Variants in PREX2 observed in about 807,000 individuals in gnomAD.
The protein encoded by PREX2 is phosphatidylinositol 3,4,5-trisphosphate-dependent Rac exchanger 2 protein.
PREX2 carries 107 observed loss-of-function variants against 203.2 expected under a neutral mutation model. The observed-to-expected ratio is 0.53, with a 90% CI of 0.45 to 0.62. The LOEUF is 0.62. Ranked by LOEUF, PREX2 falls within the 20% of genes least tolerant of loss-of-function variation. The pLI, the probability that PREX2 is intolerant of heterozygous loss-of-function variation, is 0.00. For synonymous variants in PREX2, 672 were observed against 663.6 expected (o/e 1.01, Z -0.19); for missense variants, 1,777 against 1,955.9 (o/e 0.91, Z 1.72).
At position 68,115,751 on chromosome 8, in the gene PREX2, A is replaced by G; in HGVS notation, c.3147-2A>G. 1 of 1,600,818 alleles carries G rather than the reference A, an allele frequency of 6.2e-7. No individual in the cohort carries two copies. Among genetic ancestry groups the G allele is most frequent in the Non-Finnish European group, 8.5e-7 (1 of 1,174,616 alleles). On this transcript the variant is annotated splice_acceptor_variant, in intron 25 of 39. Coordinates refer to ENST00000288368, the MANE Select transcript of PREX2 (RefSeq NM_024870.4). LOFTEE classifies it high-confidence loss of function. ...GCATTTTTTTTTAATATTACATTGC[A>G]GCCTTCTGTCTTCAATAACATATTC...
At chr8:67,970,199 C>T (rs1414600404) in intron 1 of PREX2, among the ~76,000 whole-genome samples, 1 of 152,112 alleles carries the variant, frequency 6.6e-6, no homozygotes, top group African/African-American at 2.4e-5. Context: ...TAATCTCGAT[C>T]TGTTAATCTA....
intron 1 of PREX2, among the ~76,000 whole-genome samples, chr8:67,987,821 T>A (rs1314982418): frequency 2.6e-5 from 4 of 152,196 alleles, no homozygotes; most frequent in Non-Finnish European, 5.9e-5. Context: ...CTCTGTAAAT[T>A]CCCATTTCTA....
rs1373490571 is a variant in PREX2, at chr8:68,115,820, G to A, written c.3214G>A (p.Asp1072Asn). ...RKTSEGIIPTDSDNEKGERNS... is the reference protein window; with the variant it reads ...RKTSEGIIPTNSDNEKGERNS... ...GACATCAGAGGGCATAATACCAACA[G>A]ACAGTGACAATGAGAAGGGAGAAAG... The change falls in exon 26 of 40, where the codon GAC becomes AAC. Residue 1072 changes from aspartate to asparagine, a missense_variant. Physicochemically the swap from Asp to Asn is conservative, Grantham distance 23. Coordinates refer to ENST00000288368, the MANE Select transcript of PREX2 (RefSeq NM_024870.4). 1 of 1,613,688 alleles carries A rather than the reference G, an allele frequency of 6.2e-7. No homozygotes were observed.
chr8:68,111,569 C>T (rs78199265), intron 25 of PREX2, among the ~76,000 whole-genome samples: 4,326 of 152,156 alleles, frequency 0.028, 202 homozygotes, highest in African/African-American at 0.098. Context: ...AAGATTTCCC[C>T]ACCCTGTTAT....
rs1044672052 is a variant in PREX2, at chr8:68,115,813, A to G, written c.3207A>G (p.Ile1069Met). Residue 1069 changes from isoleucine to methionine, a missense_variant, in exon 26 of 40, where the codon ATA (isoleucine) becomes ATG (methionine). Coordinates refer to ENST00000288368, the MANE Select transcript of PREX2 (RefSeq NM_024870.4). ...AACGTAAGACATCAGAGGGCATAAT[A>G]CCAACAGACAGTGACAATGAGAAGG... ...KLERKTSEGI[I>M]PTDSDNEKGE... 17 of 1,613,774 alleles carry G rather than the reference A, an allele frequency of 1.1e-5. No individual in the cohort carries two copies. The highest frequency in any genetic ancestry group is 1.4e-5 in the Non-Finnish European group (16 of 1,179,852).
chr8:68,076,695 ACAC>A (rs1296771551), intron 14 of PREX2, among the ~76,000 whole-genome samples: 13 of 33,412 alleles, frequency 3.9e-4, no homozygotes, highest in African/African-American at 1.2e-3. Flanking sequence ...TCACACACAC[ACAC>A]ACACACACAC....
At chr8:67,960,058 A>AATTT (rs59678397) in intron 1 of PREX2, among the ~76,000 whole-genome samples, 19 of 151,648 alleles carry the variant, frequency 1.3e-4, no homozygotes, top group African/African-American at 3.2e-4. Context: ...TTAATTAATT[A>AATTT]ATTTATTGAT....
chr8:68,226,965 C>A (rs1363024527), intron 39 of PREX2, among the ~76,000 whole-genome samples: 5 of 152,080 alleles, frequency 3.3e-5, no homozygotes, highest in Non-Finnish European at 5.9e-5. Context: ...TATGCCTAGA[C>A]CTCAATGACT....
chr8:67,957,292 A>G (rs567557855), intron 1 of PREX2, among the ~76,000 whole-genome samples: 1 of 126,014 alleles, frequency 7.9e-6, no homozygotes, highest in African/African-American at 3.2e-5. Context: ...AAAACTTTAT[A>G]TTCCAGGTAA....
chr8:68,111,587 A>G (rs977060240), intron 25 of PREX2, among the ~76,000 whole-genome samples: 3 of 151,972 alleles, frequency 2.0e-5, no homozygotes, highest in African/African-American at 7.3e-5. Flanking sequence ...TATTCTAAAA[A>G]CCTCTACCCA....
chr8:68,015,413 A>T (rs1003230327), intron 1 of PREX2, among the ~76,000 whole-genome samples: 1 of 152,222 alleles, frequency 6.6e-6, no homozygotes, highest in Non-Finnish European at 1.5e-5. Context: ...TTAAACAAAA[A>T]GTTCCATATT....
At chr8:68,030,211 A>G (rs746809531) in intron 5 of PREX2, among the ~76,000 whole-genome samples, 8 of 152,202 alleles carry the variant, frequency 5.3e-5, no homozygotes, top group Non-Finnish European at 1.2e-4. Flanking sequence ...AAACATAAAA[A>G]TTTATCCTCC....
intron 31 of PREX2, among the ~76,000 whole-genome samples, chr8:68,131,949 G>A (rs950187061): frequency 6.6e-6 from 1 of 152,002 alleles, no homozygotes; most frequent in Non-Finnish European, 1.5e-5. Flanking sequence ...CAGATTTTCT[G>A]CTTCACTATA....
intron 37 of PREX2, among the ~76,000 whole-genome samples, chr8:68,206,056 G>A (rs915336896): frequency 6.6e-6 from 1 of 152,220 alleles, no homozygotes; most frequent in South Asian, 2.1e-4. Flanking sequence ...ATGGATGTTG[G>A]GAGCTGGAAT....
At chr8:68,125,854 C>T (rs185048821) in intron 30 of PREX2, among the ~76,000 whole-genome samples, 1 of 152,048 alleles carries the variant, frequency 6.6e-6, no homozygotes, top group Non-Finnish European at 1.5e-5. Context: ...CCTTTTTCAT[C>T]ACACTTCAGT....
intron 37 of PREX2, among the ~76,000 whole-genome samples, chr8:68,204,674 CTTTCTTTTTTTTT>C (rs1812575307): frequency 8.3e-6 from 1 of 121,100 alleles, no homozygotes; most frequent in Non-Finnish European, 1.7e-5. Context: ...TTTCTTTCTT[CTTTCTTTTTTTTT>C]TTTTTTTTTT....
chr8:68,190,406 G>A (rs1812268147), intron 35 of PREX2, among the ~76,000 whole-genome samples: 1 of 152,132 alleles, frequency 6.6e-6, no homozygotes, highest in South Asian at 2.1e-4. Context: ...ATATGCAGCT[G>A]TAAAAAACAA....
chr8:68,149,832 G>T (rs542067203), intron 34 of PREX2, among the ~76,000 whole-genome samples: 1 of 152,316 alleles, frequency 6.6e-6, no homozygotes, highest in East Asian at 1.9e-4. Context: ...CCAAAAGTGA[G>T]AAACCACTCT....
intron 31 of PREX2, among the ~76,000 whole-genome samples, chr8:68,131,362 A>C (rs1431848909): frequency 6.6e-6 from 1 of 152,160 alleles, no homozygotes; most frequent in East Asian, 1.9e-4. Flanking sequence ...CAATTCATCT[A>C]CTCTCTGCTG....
Sources: allele counts gnomAD v4.1 joint callset (sites outside exome capture counted in the v4.1 genomes callset), GRCh38; gene constraint gnomAD v4.1.1; transcripts MANE v1.5; gene names NCBI Gene and HGNC (gene_info 2026-07-23, HGNC 2026-07-21).